ZNF385D: variants seen among roughly 807,000 people sequenced by gnomAD.
The protein encoded by ZNF385D is zinc finger protein 385D.
A neutral mutation model predicts 35.8 loss-of-function variants in ZNF385D; 15 were observed. The ratio of observed to expected loss-of-function variants is 0.42; its 90% CI spans 0.28 to 0.64. ZNF385D has a LOEUF of 0.64. Ranked by LOEUF, ZNF385D falls within the 30% of genes least tolerant of loss-of-function variation. ZNF385D has a pLI of 0.23. For synonymous variants in ZNF385D, 212 were observed against 186.8 expected (o/e 1.13, Z -1.10); for missense variants, 474 against 494.6 (o/e 0.96, Z 0.39).
In ZNF385D at chr3:22,248,495, T is replaced by C. The variant is rs558500449; in HGVS notation, c.107-79460A>G. On this transcript the variant is annotated intron_variant, in intron 2 of 5. Coordinates refer to the ZNF385D transcript ENST00000494108. ...AAAGGAAATCATACAACTCATTATT[T>C]ATATACAATTTAGACAAAGTCCATT... Among the ~76,000 whole-genome samples the C allele has an allele frequency of 9.2e-5, 14 of 152,288 alleles. 1 individual carries two copies. Among genetic ancestry groups the C allele is most frequent in the Non-Finnish European group, 1.6e-4 (11 of 68,014 alleles).
At chr3:21,689,179 C>T (rs1288298404) in intron 1 of ZNF385D, among the ~76,000 whole-genome samples, 2 of 149,570 alleles carry the variant, frequency 1.3e-5, no homozygotes, top group South Asian at 2.1e-4. Flanking sequence ...ACTGAATAGT[C>T]GTATCTCAGA....
chr3:21,609,922 A>G (rs1172802800), intron 2 of ZNF385D, among the ~76,000 whole-genome samples: 3 of 152,196 alleles, frequency 2.0e-5, no homozygotes, highest in East Asian at 1.9e-4. Flanking sequence ...TCCTCCTTCT[A>G]TATGTCCTTA....
At chr3:21,909,876 A>G (rs1397388799) in intron 3 of ZNF385D, among the ~76,000 whole-genome samples, 1 of 152,058 alleles carries the variant, frequency 6.6e-6, no homozygotes, top group Non-Finnish European at 1.5e-5. Context: ...AAAGTTTATA[A>G]GCCTAGCTTT....
chr3:22,064,915 AT>A (rs1459712425), intron 3 of ZNF385D, among the ~76,000 whole-genome samples: 1 of 152,234 alleles, frequency 6.6e-6, no homozygotes, highest in African/African-American at 2.4e-5. Context: ...ATTTAAAAAA[AT>A]GTTTTCTTAA....
intron 3 of ZNF385D, among the ~76,000 whole-genome samples, chr3:22,000,222 T>G (rs6550649): frequency 0.66 from 99,482 of 151,730 alleles, 33,935 homozygotes; most frequent in African/African-American, 0.83. Context: ...GGAGAATGGC[T>G]TGAACCCAGG....
intron 2 of ZNF385D, among the ~76,000 whole-genome samples, chr3:22,182,020 C>G (rs1007280133): frequency 3.9e-5 from 6 of 151,982 alleles, no homozygotes; most frequent in African/African-American, 9.7e-5. Context: ...GGTTCCTTCC[C>G]CAGTTGAACG....
At chr3:22,076,371 G>A (rs1700463997) in intron 3 of ZNF385D, among the ~76,000 whole-genome samples, 1 of 151,802 alleles carries the variant, frequency 6.6e-6, no homozygotes, top group Non-Finnish European at 1.5e-5. Context: ...TTATCCATAT[G>A]AATATTTCCC....
At chr3:21,556,119 T>C (rs1157370239) in intron 3 of ZNF385D, among the ~76,000 whole-genome samples, 1 of 149,862 alleles carries the variant, frequency 6.7e-6, no homozygotes, top group Non-Finnish European at 1.5e-5. Flanking sequence ...ATTCTGGGTA[T>C]TAGACCTTTA....
chr3:21,497,582 C>T (rs2125426990), intron 4 of ZNF385D, among the ~76,000 whole-genome samples: 1 of 152,228 alleles, frequency 6.6e-6, no homozygotes, highest in East Asian at 1.9e-4. Context: ...CGATGGCTCA[C>T]ACCTGTAATC....
rs555925868 is a variant in ZNF385D at position 22,007,248 on chromosome 3, C to T, written c.325+161569G>A. Among the ~76,000 whole-genome samples the T allele has an allele frequency of 3.9e-5, 6 of 152,218 alleles. No homozygotes were observed. The South Asian group carries it at 1.2e-3, about 32-fold the overall frequency. ...TTTTCTTTTGTAAAAATAAGCAATG[C>T]TCTACTAAATCTTAATTTTTTTAAA... On this transcript the variant is annotated intron_variant, in intron 3 of 5. Transcript: ENST00000494108.
chr3:21,647,537 T>C (rs1331006693), intron 2 of ZNF385D, among the ~76,000 whole-genome samples: 1 of 152,150 alleles, frequency 6.6e-6, no homozygotes, highest in Non-Finnish European at 1.5e-5. Context: ...AGAGCACTTA[T>C]ATCTGAAGAA....
chr3:21,917,761 T>C (rs259536), intron 3 of ZNF385D, among the ~76,000 whole-genome samples: 9,710 of 152,290 alleles, frequency 0.064, 508 homozygotes, highest in African/African-American at 0.13. Context: ...TTACAAGTCA[T>C]ATCTGTACCC....
intron 3 of ZNF385D, among the ~76,000 whole-genome samples, chr3:22,162,548 A>AT (rs899662200): frequency 3.3e-5 from 5 of 152,044 alleles, no homozygotes; most frequent in Admixed American, 6.6e-5. Flanking sequence ...TACTTGAGAG[A>AT]TTTTTTATAG....
chr3:21,721,786 G>C lies in ZNF385D; in HGVS notation c.22+29109C>G, dbSNP rs543740656. On this transcript the variant is annotated intron_variant, in intron 1 of 7. Coordinates refer to ENST00000281523, the MANE Select transcript of ZNF385D (RefSeq NM_024697.3). ...AAGCCTCACATTTTAAGTCAGAACTGTAACAGTATCCTATCTTAAAGAGAT... is the reference window on the plus strand; with the variant it reads ...AAGCCTCACATTTTAAGTCAGAACTCTAACAGTATCCTATCTTAAAGAGAT... 9.2e-5 allele frequency among the ~76,000 whole-genome samples: 14 copies of C among 152,250 alleles called. No individual in the cohort carries two copies. In the South Asian group the frequency reaches 2.7e-3, roughly 29 times the overall value.
At chr3:22,189,514 G>A (rs1007644857) in intron 2 of ZNF385D, among the ~76,000 whole-genome samples, 1 of 152,028 alleles carries the variant, frequency 6.6e-6, no homozygotes, top group Non-Finnish European at 1.5e-5. Flanking sequence ...GAGAACTGAG[G>A]GGAGATTTGA....
chr3:21,659,221 C>T (rs2066162946), intron 2 of ZNF385D, among the ~76,000 whole-genome samples: 2 of 152,102 alleles, frequency 1.3e-5, no homozygotes, highest in Admixed American at 1.3e-4. Flanking sequence ...TCCTCATACT[C>T]TTCATTATAT....
At chr3:21,730,731 A>T (rs1221878778) in intron 1 of ZNF385D, among the ~76,000 whole-genome samples, 2 of 152,250 alleles carry the variant, frequency 1.3e-5, no homozygotes, top group Admixed American at 6.5e-5. Context: ...TGCTTATAGT[A>T]GTGTAGCTAT....
At position 22,077,948 on chromosome 3, in the gene ZNF385D, G is replaced by C. The variant is rs895389691; in HGVS notation, c.325+90869C>G. On this transcript the variant is annotated intron_variant, in intron 3 of 5. Transcript: ENST00000494108. The stretch of plus-strand genomic sequence containing the variant: ...AACCTGACTGTGGAGTATCTGCACT[G>C]ATGGCTGACAACCTGAAAAGTCCTA... Among the ~76,000 whole-genome samples, 9 of 152,110 alleles carry C rather than the reference G, an allele frequency of 5.9e-5. No homozygotes were observed. The South Asian group carries it at 1.9e-3, about 32-fold the overall frequency.
At chr3:21,988,825 C>T (rs574341668) in intron 3 of ZNF385D, among the ~76,000 whole-genome samples, 5 of 152,156 alleles carry the variant, frequency 3.3e-5, no homozygotes, top group Admixed American at 6.5e-5. Flanking sequence ...AGCGAGACTC[C>T]GTGGGCGTAG....
Sources: allele counts gnomAD v4.1 joint callset (sites outside exome capture counted in the v4.1 genomes callset), GRCh38; gene constraint gnomAD v4.1.1; transcripts MANE v1.5; gene names NCBI Gene and HGNC (gene_info 2026-07-23, HGNC 2026-07-21).